BNC2: variants seen among roughly 807,000 people sequenced by gnomAD.
The protein encoded by BNC2 is basonuclin zinc finger protein 2.
Under a neutral mutation model 76.3 loss-of-function variants are expected in BNC2, and 20 were observed. The observed-to-expected ratio is 0.26, with a 90% CI of 0.18 to 0.38. BNC2 has a LOEUF of 0.38. Among genes scored for constraint, BNC2 ranks in the 10% least tolerant of loss-of-function variants. BNC2 has a pLI of 1.00. For missense variants in BNC2, 1,382 were observed against 1,399.8 expected (o/e 0.99, Z 0.20); for synonymous variants, 582 against 514.8 (o/e 1.13, Z -1.77).
intron 5 of BNC2, among the ~76,000 whole-genome samples, chr9:16,487,419 C>T (rs994258312): frequency 6.6e-6 from 1 of 152,094 alleles, no homozygotes; most frequent in African/African-American, 2.4e-5. Context: ...TATGAGAGAC[C>T]TAAAAGCCAC....
chr9:16,643,248 G>A (rs1821537958), intron 3 of BNC2, among the ~76,000 whole-genome samples: 1 of 150,118 alleles, frequency 6.7e-6, no homozygotes, highest in Non-Finnish European at 1.5e-5. Flanking sequence ...GGAGGTTGCA[G>A]TGAGCCAAGA....
intron 1 of BNC2, among the ~76,000 whole-genome samples, chr9:16,757,632 G>A (rs1421667141): frequency 3.3e-5 from 4 of 120,386 alleles, no homozygotes; most frequent in African/African-American, 1.1e-4. Flanking sequence ...TAATGAAAAT[G>A]TTGACTATGT....
intron 3 of BNC2, among the ~76,000 whole-genome samples, chr9:16,722,699 GCA>G (rs1486141369): frequency 6.6e-6 from 1 of 152,140 alleles, no homozygotes; most frequent in African/African-American, 2.4e-5. Context: ...CCAAATTTGT[GCA>G]CAGATTTTTA....
intron 5 of BNC2, among the ~76,000 whole-genome samples, chr9:16,526,800 G>C (rs1408412971): frequency 6.6e-6 from 1 of 152,044 alleles, no homozygotes; most frequent in Non-Finnish European, 1.5e-5. Flanking sequence ...GACACTCCCA[G>C]AACGTGGATA....
At chr9:16,689,809 G>C (rs1376157256) in intron 3 of BNC2, among the ~76,000 whole-genome samples, 2 of 152,072 alleles carry the variant, frequency 1.3e-5, no homozygotes, top group African/African-American at 4.8e-5. Context: ...GCGGCAAGAG[G>C]AAAAATCACT....
chr9:16,761,061 A>G (rs940564877), intron 1 of BNC2, among the ~76,000 whole-genome samples: 6 of 148,354 alleles, frequency 4.0e-5, no homozygotes, highest in Non-Finnish European at 1.5e-5. Flanking sequence ...TGTAAAACAC[A>G]GAGCGGCCCC....
chr9:16,743,935 C>T (rs1406217016), intron 1 of BNC2, among the ~76,000 whole-genome samples: 1 of 149,850 alleles, frequency 6.7e-6, no homozygotes, highest in African/African-American at 2.5e-5. Context: ...CCATCTTATA[C>T]TTTTATTCCT....
At chr9:16,491,654 C>T (rs2131635108) in intron 5 of BNC2, among the ~76,000 whole-genome samples, 1 of 152,216 alleles carries the variant, frequency 6.6e-6, no homozygotes, top group East Asian at 1.9e-4. Context: ...GAAATTTATC[C>T]AACTGAAAAA....
In BNC2 at chr9:16,682,278, T is replaced by C. The variant is rs375973424; in HGVS notation, c.330+45519A>G. Among the ~76,000 whole-genome samples, 80 of 106,918 alleles carry C rather than the reference T, an allele frequency of 7.5e-4. 1 individual carries two copies. The highest frequency in any genetic ancestry group is 3.9e-3 in the African/African-American group (78 of 20,198). 70.1% of individuals were successfully genotyped at this position (106,918 alleles called of 152,430 possible). Reference sequence around the variant, plus strand: ...TAATAAAAAGTTTCAAGACACCCTATACAAAATTAATTAACTTCTCCAACA... The same window carrying C: ...TAATAAAAAGTTTCAAGACACCCTACACAAAATTAATTAACTTCTCCAACA... On this transcript the variant is annotated intron_variant, in intron 3 of 6. Transcript: ENST00000380672.
chr9:16,456,204 C>T (rs1289395013), intron 5 of BNC2, among the ~76,000 whole-genome samples: 1 of 152,134 alleles, frequency 6.6e-6, no homozygotes, highest in Non-Finnish European at 1.5e-5. Flanking sequence ...TCATTTTTTA[C>T]TTGTAATTAC....
chr9:16,784,680 C>G (rs1397029838), intron 1 of BNC2, among the ~76,000 whole-genome samples: 1 of 152,300 alleles, frequency 6.6e-6, no homozygotes, highest in East Asian at 1.9e-4. Flanking sequence ...CCTCCAATCT[C>G]AATCACTAGA....
At chr9:16,655,377 C>A (rs1250197669) in intron 3 of BNC2, among the ~76,000 whole-genome samples, 2 of 152,012 alleles carry the variant, frequency 1.3e-5, no homozygotes, top group African/African-American at 4.8e-5. Flanking sequence ...GGAATTTGCC[C>A]CTATACACAC....
intron 5 of BNC2, among the ~76,000 whole-genome samples, chr9:16,494,446 C>G (rs545414671): frequency 6.6e-6 from 1 of 152,078 alleles, no homozygotes; most frequent in East Asian, 1.9e-4. Context: ...CCACCGAGCC[C>G]AGCCAGAAAA....
intron 3 of BNC2, among the ~76,000 whole-genome samples, chr9:16,664,823 G>C (rs1361091701): frequency 2.0e-5 from 3 of 151,920 alleles, no homozygotes; most frequent in Non-Finnish European, 2.9e-5. Flanking sequence ...TAAACTCTCA[G>C]AATTCATGTC....
At position 16,641,998 on chromosome 9, in the gene BNC2, C is replaced by T. The variant is rs545176885; in HGVS notation, c.331-58913G>A. Among the ~76,000 whole-genome samples the T allele has an allele frequency of 3.5e-4, 53 of 152,214 alleles. 1 individual carries two copies. Among genetic ancestry groups the T allele is most frequent in the Non-Finnish European group, 6.8e-4 (46 of 67,996 alleles). On this transcript the variant is annotated intron_variant, in intron 3 of 6. Coordinates refer to ENST00000380672, the MANE Select transcript of BNC2 (RefSeq NM_017637.6). ...ACGTACTGGTTAAAGATTTTTCCTT[C>T]GCAATTCAGTAAACACCCAATGCAG...
chr9:16,618,136 C>G (rs796770572), intron 3 of BNC2, among the ~76,000 whole-genome samples: 1 of 152,294 alleles, frequency 6.6e-6, no homozygotes, highest in African/African-American at 2.4e-5. Context: ...CCCAATGGAA[C>G]GCCAGCTACC....
intron 1 of BNC2, among the ~76,000 whole-genome samples, chr9:16,765,565 G>C (rs752766358): frequency 3.9e-5 from 6 of 152,130 alleles, no homozygotes; most frequent in Non-Finnish European, 7.3e-5. Context: ...GTTAGGTAAT[G>C]AAATGCACAG....
chr9:16,642,539 G>C (rs1026328220), intron 3 of BNC2, among the ~76,000 whole-genome samples: 1 of 152,092 alleles, frequency 6.6e-6, no homozygotes, highest in African/African-American at 2.4e-5. Context: ...CACAGCATGT[G>C]CCTCACTAAA....
At chr9:16,781,589 C>A (rs1217620906) in intron 1 of BNC2, among the ~76,000 whole-genome samples, 1 of 152,144 alleles carries the variant, frequency 6.6e-6, no homozygotes, top group African/African-American at 2.4e-5. Context: ...GCAATCTGCC[C>A]GCCCTGGCCT....
Sources: allele counts gnomAD v4.1 joint callset (sites outside exome capture counted in the v4.1 genomes callset), GRCh38; gene constraint gnomAD v4.1.1; transcripts MANE v1.5; gene names NCBI Gene and HGNC (gene_info 2026-07-23, HGNC 2026-07-21).